PCDHGB6: variants seen among roughly 807,000 people sequenced by gnomAD.
PCDHGB6 encodes the protein protocadherin gamma subfamily B, 6.
Under a neutral mutation model 59.1 loss-of-function variants are expected in PCDHGB6, and 51 were observed. The ratio of observed to expected loss-of-function variants is 0.86; its 90% CI spans 0.69 to 1.09. The LOEUF (loss-of-function observed/expected upper bound fraction) is 1.09, where lower values mean the gene tolerates loss of function less well. Among genes scored for constraint, PCDHGB6 ranks in the 50% least tolerant of loss-of-function variants. The pLI is 0.00. For missense variants in PCDHGB6, 1,148 were observed against 1,205.1 expected, an observed-to-expected ratio of 0.95 and a Z score of 0.70; for synonymous variants, 466 against 495.1, an observed-to-expected ratio of 0.94 and a Z score of 0.78.
At chr5:141,428,021 C>G (rs1185050109) in intron 1 of PCDHGB6, 1 of 1,605,486 alleles carries the variant, frequency 6.2e-7, no homozygotes, top group Admixed American at 1.7e-5. Flanking sequence ...TGCCACGCGC[C>G]GCAGAGTCCG....
At position 141,409,829 on chromosome 5, in the gene PCDHGB6, A is replaced by AGC. The variant is rs2095323181; in HGVS notation, c.1630_1631dup (p.Asn545ProfsTer3). On this transcript the variant is annotated frameshift_variant, in exon 1 of 4. Transcript: ENST00000520790. LOFTEE classifies it high-confidence loss of function. The stretch of plus-strand genomic sequence containing the variant: ...CCGCGACCACGGCTCGCCCACGCTC[A>AGC]GCGCCAACGTGAGCCTGCGCGTGTT... The AGC allele has an allele frequency of 6.2e-7, 1 of 1,610,980 alleles. No individual in the cohort carries two copies. Among genetic ancestry groups the AGC allele is most frequent in the African/African-American group, 1.3e-5 (1 of 74,868 alleles).
chr5:141,418,669 C>G, intron 1 of PCDHGB6: 1 of 1,614,018 alleles, frequency 6.2e-7, no homozygotes, highest in Non-Finnish European at 8.5e-7. Flanking sequence ...CTGACCAGGA[C>G]GAGGGCATCA....
chr5:141,415,067 G>A, intron 1 of PCDHGB6: 1 of 1,613,398 alleles, frequency 6.2e-7, no homozygotes, highest in Non-Finnish European at 8.5e-7. Context: ...GGCGAGGTGC[G>A]CACGGCGCGA....
At chr5:141,463,834 A>G (rs1212299231) in intron 1 of PCDHGB6, among the ~76,000 whole-genome samples, 4 of 152,108 alleles carry the variant, frequency 2.6e-5, no homozygotes, top group East Asian at 1.9e-4. Flanking sequence ...TCCACTTCCC[A>G]GTTGTTATAG....
At position 141,477,576 on chromosome 5, in the gene PCDHGB6, C is replaced by A; in HGVS notation, c.2419-17231C>A. The A allele has an allele frequency of 6.2e-7, 1 of 1,614,162 alleles. No homozygotes were observed. The highest frequency in any genetic ancestry group is 8.5e-7 in the Non-Finnish European group (1 of 1,180,026). On this transcript the variant is annotated intron_variant, in intron 1 of 3. Transcript: ENST00000520790. The surrounding 1 kb of genome is among the most constrained non-coding windows in gnomAD (Gnocchi z 4.9). ...CTAAGTGTCTGGGACCCCGACGCCC[C>A]GCAGAATGCTCGGCTTTCTTTCTTT...
At chr5:141,430,853 C>G (rs769009864) in intron 1 of PCDHGB6, 2 of 1,587,214 alleles carry the variant, frequency 1.3e-6, no homozygotes, top group Non-Finnish European at 1.7e-6. Flanking sequence ...CACCCAGATA[C>G]GCTATTCAGT....
In PCDHGB6 at chr5:141,512,470, T is replaced by G. The variant is rs2099884244; in HGVS notation, c.*1297T>G. On this transcript the variant is annotated 3_prime_UTR_variant, in exon 4 of 4. Transcript: ENST00000520790. ...TTCACCTTGCCAGGTGCCGTTTCTC[T>G]TCCGTGAAGGCCACTGCCCAGGTCC... 6.5e-6 allele frequency: 1 copy of G among 152,892 alleles called. No individual in the cohort carries two copies. The highest frequency in any genetic ancestry group is 2.1e-4 in the South Asian group (1 of 4,834). 9.5% of individuals were successfully genotyped at this position (152,892 alleles called of 1,614,324 possible).
At chr5:141,416,217 G>A (rs1224952837) in intron 1 of PCDHGB6, 1 of 152,288 alleles carries the variant, frequency 6.6e-6, no homozygotes, top group Non-Finnish European at 1.5e-5. Flanking sequence ...AACAATGTAT[G>A]CTTAGATTTT....
At chr5:141,428,169 G>T (rs758370904) in intron 1 of PCDHGB6, 5 of 1,539,960 alleles carry the variant, frequency 3.2e-6, no homozygotes, top group South Asian at 2.2e-5. Context: ...GTTGCTGTGC[G>T]TGACGGAGGA....
chr5:141,441,697 C>A (rs1415018255), intron 1 of PCDHGB6: 4 of 307,190 alleles, frequency 1.3e-5, no homozygotes, highest in Non-Finnish European at 1.3e-5. Flanking sequence ...CAGCCGCGAG[C>A]CTTCAAGCTC....
chr5:141,469,112 A>T (rs1207790108), intron 1 of PCDHGB6, among the ~76,000 whole-genome samples: 1 of 151,698 alleles, frequency 6.6e-6, no homozygotes, highest in African/African-American at 2.4e-5. Flanking sequence ...ACCTGTCTCT[A>T]AAAAAATTTA....
intron 1 of PCDHGB6, among the ~76,000 whole-genome samples, chr5:141,446,758 C>A (rs776925316): frequency 6.6e-6 from 1 of 152,326 alleles, no homozygotes; most frequent in Non-Finnish European, 1.5e-5. Flanking sequence ...TGAGCCACCG[C>A]GCCCAGCCGG....
intron 1 of PCDHGB6, chr5:141,418,954 T>G (rs1490406390): frequency 6.2e-7 from 1 of 1,613,914 alleles, no homozygotes; most frequent in East Asian, 2.2e-5. Flanking sequence ...CAGGAGTGGT[T>G]GTTGCCCTCT....
rs551289441 is a variant in PCDHGB6, at chr5:141,444,102, C to T, written c.2418+33482C>T. ...TGAAAAGTCTGCTAAGGATTGGAAACCAAGAAAAGTGAAGTATCTCAACAG... is the reference window on the plus strand; with the variant it reads ...TGAAAAGTCTGCTAAGGATTGGAAATCAAGAAAAGTGAAGTATCTCAACAG... On this transcript the variant is annotated intron_variant, in intron 1 of 3. Coordinates refer to ENST00000520790, the MANE Select transcript of PCDHGB6 (RefSeq NM_018926.3). Among the ~76,000 whole-genome samples the T allele has an allele frequency of 1.5e-3, 216 of 144,128 alleles. 1 individual carries two copies. Among genetic ancestry groups the T allele is most frequent in the African/African-American group, 5.4e-3 (211 of 38,798 alleles). 94.6% of individuals were successfully genotyped at this position (144,128 alleles called of 152,430 possible).
chr5:141,409,145 T>G lies in PCDHGB6; in HGVS notation c.943T>G (p.Tyr315Asp), dbSNP rs2095231039. ...ATTTGATTTTGAAGATGTAGAAAGG[T>G]ACACCATGGAAGTGGAAGCGAAGGA... ...QSFDFEDVER[Y>D]TMEVEAKDGG... is the part of the protein sequence containing the mutation. Residue 315 changes from tyrosine to aspartate, a missense_variant, in exon 1 of 4, where the codon TAC (tyrosine) becomes GAC (aspartate). Coordinates refer to ENST00000520790, the MANE Select transcript of PCDHGB6 (RefSeq NM_018926.3). 1 of 1,613,884 alleles carries G rather than the reference T, an allele frequency of 6.2e-7. No individual in the cohort carries two copies. Among genetic ancestry groups the G allele is most frequent in the Non-Finnish European group, 8.5e-7 (1 of 1,179,894 alleles).
At chr5:141,492,505 C>A (rs1009723421) in intron 1 of PCDHGB6, among the ~76,000 whole-genome samples, 1 of 152,212 alleles carries the variant, frequency 6.6e-6, no homozygotes, top group Admixed American at 6.5e-5. Context: ...GACTCCGGAG[C>A]CTCCTCTCAC....
chr5:141,502,629 G>A (rs1368174848), intron 2 of PCDHGB6, among the ~76,000 whole-genome samples: 1 of 152,096 alleles, frequency 6.6e-6, no homozygotes, highest in Non-Finnish European at 1.5e-5. Context: ...GTAATCTGTG[G>A]ATGATACTTT....
intron 2 of PCDHGB6, among the ~76,000 whole-genome samples, chr5:141,500,138 ACTTTT>A: frequency 6.6e-6 from 1 of 150,560 alleles, no homozygotes; most frequent in Middle Eastern, 3.2e-3. Flanking sequence ...ATCTTTCTAA[ACTTTT>A]CTTTGTGTAA....
chr5:141,423,758 G>GGT (rs138224377), intron 1 of PCDHGB6: 10 of 366,772 alleles, frequency 2.7e-5, no homozygotes, highest in Non-Finnish European at 1.5e-5. Flanking sequence ...TTTGGGGGGG[G>GGT]GGTGGGGCGG....
Sources: gnomAD v4.1 joint callset for allele counts (sites outside exome capture counted in the v4.1 genomes callset) on GRCh38, gnomAD v4.1.1 for gene constraint, Gnocchi (gnomAD v3.1) non-coding constraint, MANE v1.5 for transcripts, NCBI Gene and HGNC (gene_info 2026-07-23, HGNC 2026-07-21) for gene names.